AMMECR1: variants seen among roughly 807,000 people sequenced by gnomAD.
AMMECR1 encodes the protein AMMECR nuclear protein 1.
Under a neutral mutation model 22.5 loss-of-function variants are expected in AMMECR1, and 3 were observed. That is an observed-to-expected ratio of 0.13 (90% CI 0.06 to 0.35). The LOEUF is 0.35. AMMECR1 is among the 10% of genes least tolerant of loss of function. The probability of loss-of-function intolerance (pLI) is 1.00; values close to 1 mark genes in which losing one functional copy is unlikely to be tolerated. For missense variants in AMMECR1, 235 were observed against 278.7 expected (o/e 0.84, Z 1.12); for synonymous variants, 130 against 116.7 (o/e 1.11, Z -0.74).
chrX:110,302,601 G>A (rs139029244), intron 1 of AMMECR1, among the ~76,000 whole-genome samples: 3,242 of 111,356 alleles, frequency 0.029, 53 homozygotes, highest in Middle Eastern at 0.05. Context: ...GGCCAGGCGC[G>A]GTGACTCACG....
chrX:110,291,582 C>T (rs910279121), intron 1 of AMMECR1, among the ~76,000 whole-genome samples: 5 of 110,895 alleles, frequency 4.5e-5, no homozygotes, highest in Non-Finnish European at 5.7e-5. Context: ...GAGGTGATGA[C>T]GGTTACAGGT....
At chrX:110,418,755 A>G (rs1394398682) in intron 2 of AMMECR1, among the ~76,000 whole-genome samples, 7 of 111,279 alleles carry the variant, frequency 6.3e-5, no homozygotes, top group Non-Finnish European at 1.3e-4. Flanking sequence ...TGATCCTCCA[A>G]TTTTCTACAC....
At chrX:110,371,926 A>G (rs2068341517) in intron 2 of AMMECR1, among the ~76,000 whole-genome samples, 1 of 110,199 alleles carries the variant, frequency 9.1e-6, no homozygotes, top group Non-Finnish European at 1.9e-5. Context: ...ATTAAACTCC[A>G]CTCACTTCCC....
intron 2 of AMMECR1, among the ~76,000 whole-genome samples, chrX:110,423,025 G>A (rs1428380054): frequency 8.9e-6 from 1 of 111,905 alleles, no homozygotes; most frequent in African/African-American, 3.2e-5. Context: ...TACCCTTCAC[G>A]CTCATAAAGA....
chrX:110,242,899 C>G (rs2067640619), intron 2 of AMMECR1, among the ~76,000 whole-genome samples: 1 of 112,278 alleles, frequency 8.9e-6, no homozygotes, highest in African/African-American at 3.2e-5. Context: ...TGTTTCACTA[C>G]TCAATGCTAG....
chrX:110,324,308 T>C (rs1352037433), intron 2 of AMMECR1, among the ~76,000 whole-genome samples: 1 of 111,876 alleles, frequency 8.9e-6, no homozygotes, highest in African/African-American at 3.2e-5. Flanking sequence ...CATTGCATAA[T>C]TTAGATCTTG....
At chrX:110,363,627 A>G (rs929672289) in intron 2 of AMMECR1, among the ~76,000 whole-genome samples, 5 of 111,600 alleles carry the variant, frequency 4.5e-5, no homozygotes, top group Admixed American at 2.8e-4. Flanking sequence ...AAATAATTAG[A>G]AAGAGAAGTT....
chrX:110,361,261 A>T (rs2068261772), intron 2 of AMMECR1, among the ~76,000 whole-genome samples: 1 of 111,391 alleles, frequency 9.0e-6, no homozygotes, highest in Admixed American at 9.6e-5. Flanking sequence ...CATTTATTTG[A>T]TCAGCAAATC....
intron 2 of AMMECR1, among the ~76,000 whole-genome samples, chrX:110,354,247 C>T (rs957816466): frequency 1.3e-4 from 15 of 111,635 alleles, no homozygotes; most frequent in Non-Finnish European, 2.8e-4. Flanking sequence ...CATCACACTC[C>T]CTGATTTCAA....
intron 1 of AMMECR1, among the ~76,000 whole-genome samples, chrX:110,304,991 T>A (rs2067986370): frequency 8.9e-6 from 1 of 112,769 alleles, no homozygotes; most frequent in Non-Finnish European, 1.9e-5. Context: ...CACATTAGTC[T>A]ACCCAAACAA....
chrX:110,416,035 T>G (rs1280430641), intron 2 of AMMECR1, among the ~76,000 whole-genome samples: 1 of 108,336 alleles, frequency 9.2e-6, no homozygotes, highest in African/African-American at 3.4e-5. Flanking sequence ...GGAAGCAGAC[T>G]CAGATGATTA....
chrX:110,373,952 G>A (rs747317433), intron 2 of AMMECR1, among the ~76,000 whole-genome samples: 2 of 111,624 alleles, frequency 1.8e-5, no homozygotes, highest in Non-Finnish European at 3.8e-5. Flanking sequence ...AACAAATAGA[G>A]CCGAGATAAT....
chrX:110,422,222 A>G (rs1341516286), intron 2 of AMMECR1, among the ~76,000 whole-genome samples: 1 of 112,392 alleles, frequency 8.9e-6, no homozygotes, highest in Non-Finnish European at 1.9e-5. Context: ...ATTGGCCCAG[A>G]ACCAGGAACT....
intron 2 of AMMECR1, among the ~76,000 whole-genome samples, chrX:110,327,793 TG>T (rs777454156): frequency 8.9e-6 from 1 of 111,978 alleles, no homozygotes; most frequent in East Asian, 2.8e-4. Flanking sequence ...CAGTGTTCAG[TG>T]AAATATACTT....
chrX:110,225,466 G>T (rs1395341921), intron 2 of AMMECR1, among the ~76,000 whole-genome samples: 1 of 111,910 alleles, frequency 8.9e-6, no homozygotes, highest in Non-Finnish European at 1.9e-5. Context: ...AGCTTTAACT[G>T]ACCTACACAC....
upstream of AMMECR1, among the ~76,000 whole-genome samples, chrX:110,320,605 G>A (rs2068075168): frequency 8.9e-6 from 1 of 112,082 alleles, no homozygotes; most frequent in African/African-American, 3.2e-5. Context: ...ATAAGCACCA[G>A]TAGTCATGTC....
At chrX:110,278,811 A>G (rs953262295) in intron 1 of AMMECR1, among the ~76,000 whole-genome samples, 2 of 112,039 alleles carry the variant, frequency 1.8e-5, no homozygotes, top group Non-Finnish European at 3.8e-5. Context: ...TATCACATCA[A>G]TACAAGAAAG....
rs181267264 is a variant in AMMECR1, at chrX:110,276,819, T to C, written c.474-12220A>G. On this transcript the variant is annotated intron_variant, in intron 1 of 5. Coordinates refer to ENST00000262844, the MANE Select transcript of AMMECR1 (RefSeq NM_015365.3). ...ATGCAGATTTCTGGAGCTATGTCTC[T>C]GAGTAGCTTTCCTCCTCCAGTACTC... Among the ~76,000 whole-genome samples the C allele has an allele frequency of 6.3e-5, 7 of 111,898 alleles. No individual in the cohort carries two copies. In the East Asian group the frequency reaches 1.1e-3, roughly 18 times the overall value.
At chrX:110,433,651 G>C in intron 1 of AMMECR1, among the ~76,000 whole-genome samples, 1 of 112,007 alleles carries the variant, frequency 8.9e-6, no homozygotes, top group East Asian at 2.8e-4. Flanking sequence ...TCCAGGGATT[G>C]ACTCATCTAT....
Sources: gnomAD v4.1 joint callset for allele counts (sites outside exome capture counted in the v4.1 genomes callset) on GRCh38, gnomAD v4.1.1 for gene constraint, MANE v1.5 for transcripts, NCBI Gene and HGNC (gene_info 2026-07-23, HGNC 2026-07-21) for gene names.